The following CAMK2B variants were observed in gnomAD, a reference collection of about 807,000 sequenced individuals.
The protein encoded by CAMK2B is calcium/calmodulin-dependent protein kinase type II subunit beta.
Under a neutral mutation model 93.7 loss-of-function variants are expected in CAMK2B, and 27 were observed. The ratio of observed to expected loss-of-function variants is 0.29; its 90% CI spans 0.21 to 0.40. CAMK2B has a LOEUF of 0.40. CAMK2B is among the 10% of genes least tolerant of loss of function. CAMK2B has a pLI of 1.00. For missense variants in CAMK2B, 568 were observed against 895.8 expected (o/e 0.63, Z 4.67); for synonymous variants, 374 against 358.8 (o/e 1.04, Z -0.48).
chr7:44,291,658 C>G (rs1376652842), intron 1 of CAMK2B, among the ~76,000 whole-genome samples: 1 of 152,238 alleles, frequency 6.6e-6, no homozygotes, highest in East Asian at 1.9e-4. Context: ...ATCATATACT[C>G]ACTTATAGGA....
chr7:44,309,342 G>A (rs1250820523), intron 1 of CAMK2B, among the ~76,000 whole-genome samples: 5 of 152,192 alleles, frequency 3.3e-5, no homozygotes, highest in East Asian at 1.9e-4. Context: ...GGACACAGAC[G>A]GAGGGTTTAA....
chr7:44,278,403 T>G (rs2097070225), intron 2 of CAMK2B, among the ~76,000 whole-genome samples: 1 of 152,150 alleles, frequency 6.6e-6, no homozygotes, highest in Admixed American at 6.5e-5. Flanking sequence ...GTCAGACAGC[T>G]GGGCAGTCAG....
rs1393489232 is a variant in CAMK2B, at chr7:44,220,899, G to A, written c.1600C>T (p.Arg534Trp). ...TIPGPLPTPSRKQEIIKTTEQ... is the reference protein window; with the variant it reads ...TIPGPLPTPSWKQEIIKTTEQ... The stretch of plus-strand genomic sequence containing the variant: ...GTGGTCTTAATGATCTCCTGCTTCC[G>A]GGCTGTGGGGAGACATGGCCAGGTG... Residue 534 changes from arginine (R) to tryptophan (W), a missense_variant and splice_region_variant, in exon 21 of 24, where the codon CGG becomes TGG. Arg to Trp is a moderately radical substitution (Grantham distance 101, BLOSUM62 -3). This residue lies in a region of CAMK2B where 308 missense variants were observed against 292.1 expected (regional missense o/e 1.05). Transcript: ENST00000395749. 4.5e-6 allele frequency: 7 copies of A among 1,563,236 alleles called. No homozygotes were observed. Among genetic ancestry groups the A allele is most frequent in the East Asian group, 2.4e-5 (1 of 42,286 alleles).
At chr7:44,232,712 A>C in intron 16 of CAMK2B, 110 bp downstream of exon 16, 1 of 914,894 alleles carries the variant, frequency 1.1e-6, no homozygotes, top group South Asian at 1.4e-5. Flanking sequence ...AGGGGCGGCC[A>C]GGGCATGGGA....
chr7:44,225,993 C>A lies in CAMK2B; in HGVS notation c.1597+523G>T. ...TGCCCAGCCTGTGCTTCCTGTCCCGCCCGCTCTGTTTCAGCCTGGCCCCAG... is the reference window on the plus strand; with the variant it reads ...TGCCCAGCCTGTGCTTCCTGTCCCGACCGCTCTGTTTCAGCCTGGCCCCAG... On this transcript the variant is annotated intron_variant, in intron 20 of 23. Transcript: ENST00000395749. This position sits in a 1 kb window ranked among gnomAD's most constrained non-coding sequence, Gnocchi z 5.0. 8.8e-7 allele frequency: 1 copy of A among 1,132,972 alleles called. No individual in the cohort carries two copies. The highest frequency in any genetic ancestry group is 1.2e-6 in the Non-Finnish European group (1 of 869,034). 70.2% of individuals were successfully genotyped at this position (1,132,972 alleles called of 1,614,324 possible).
intron 8 of CAMK2B, among the ~76,000 whole-genome samples, chr7:44,243,020 G>A (rs914792175): frequency 1.3e-5 from 2 of 152,218 alleles, no homozygotes; most frequent in African/African-American, 4.8e-5. Context: ...TCTGCTGAGC[G>A]CAGGCGAGCA....
At chr7:44,243,888 C>T (rs1049592000) in intron 6 of CAMK2B, among the ~76,000 whole-genome samples, 3 of 152,212 alleles carry the variant, frequency 2.0e-5, no homozygotes, top group Admixed American at 2.0e-4. Flanking sequence ...AAATGTTCCC[C>T]ACAGCCCTGG....
At chr7:44,219,649 G>T in intron 23 of CAMK2B, 127 bp from the exon 24 acceptor site, 1 of 208,646 alleles carries the variant, frequency 4.8e-6, no homozygotes, top group Non-Finnish European at 9.5e-6. Context: ...CGGGAGAGAG[G>T]TTCAAGGTGC....
chr7:44,219,986 G>T, intron 23 of CAMK2B, 74 bp downstream of exon 23: 2 of 1,283,588 alleles, frequency 1.6e-6, no homozygotes, highest in Non-Finnish European at 2.1e-6. Flanking sequence ...GCTCCCCATC[G>T]CCTCCCCAGG....
intron 1 of CAMK2B, among the ~76,000 whole-genome samples, chr7:44,322,962 T>C (rs1284106388): frequency 6.6e-6 from 1 of 152,134 alleles, no homozygotes; most frequent in African/African-American, 2.4e-5. Context: ...GCAGGCACTG[T>C]CAACAACCAG....
intron 2 of CAMK2B, among the ~76,000 whole-genome samples, chr7:44,267,519 C>A (rs1584406748): frequency 6.6e-6 from 1 of 152,170 alleles, no homozygotes; most frequent in Non-Finnish European, 1.5e-5. Context: ...AATCTGCACC[C>A]TAAACGGAGG....
At chr7:44,277,932 A>G (rs1473933684) in intron 2 of CAMK2B, among the ~76,000 whole-genome samples, 1 of 152,178 alleles carries the variant, frequency 6.6e-6, no homozygotes, top group African/African-American at 2.4e-5. Context: ...TGGGAAGGAG[A>G]GAGCCAGACA....
chr7:44,234,643 A>C lies in CAMK2B; in HGVS notation c.1055T>G (p.Val352Gly), dbSNP rs1315953612. The C allele has an allele frequency of 9.9e-6, 16 of 1,613,766 alleles. No homozygotes were observed. The highest frequency in any genetic ancestry group is 1.4e-5 in the Non-Finnish European group (16 of 1,179,836). Reference sequence around the variant, plus strand: ...AGGGCCCGGCTGGAGCCTCACCTTGACTCCATCTGCTTTCTTGTTGAGTAA... The same window carrying C: ...AGGGCCCGGCTGGAGCCTCACCTTGCCTCCATCTGCTTTCTTGTTGAGTAA... ...KSLLNKKADGVKPQTNSTKNS... is the reference protein window; with the variant it reads ...KSLLNKKADGGKPQTNSTKNS... The change falls in exon 14 of 24, where the codon GTC becomes GGC. Residue 352 changes from valine (V) to glycine (G), a missense_variant. Around this residue, in one of 4 missense-constraint regions of CAMK2B, gnomAD observed 308 missense variants for 292.1 expected, o/e 1.05. Coordinates refer to ENST00000395749, the MANE Select transcript of CAMK2B (RefSeq NM_001220.5).
intron 5 of CAMK2B, among the ~76,000 whole-genome samples, chr7:44,247,758 T>C (rs1460826084): frequency 6.6e-6 from 1 of 152,170 alleles, no homozygotes; most frequent in Non-Finnish European, 1.5e-5. Context: ...CTGGGCGCGG[T>C]GGTTCATACC....
chr7:44,298,153 C>G (rs773743535), intron 1 of CAMK2B, among the ~76,000 whole-genome samples: 1 of 151,990 alleles, frequency 6.6e-6, no homozygotes, highest in Non-Finnish European at 1.5e-5. Context: ...AAACCCAATA[C>G]AAAACAATAA....
At chr7:44,272,056 C>T (rs138949228) in intron 2 of CAMK2B, among the ~76,000 whole-genome samples, 16 of 152,248 alleles carry the variant, frequency 1.1e-4, no homozygotes, top group African/African-American at 3.6e-4. Context: ...CAGGAGGCCC[C>T]ACTTGGAGCC....
chr7:44,245,082 T>G, intron 6 of CAMK2B: 1 of 409,162 alleles, frequency 2.4e-6, no homozygotes, highest in Non-Finnish European at 5.0e-6. Context: ...CAGAGCAGAC[T>G]TGCTGCATGT....
chr7:44,281,766 C>A (rs552391414), intron 2 of CAMK2B, among the ~76,000 whole-genome samples: 2 of 152,186 alleles, frequency 1.3e-5, no homozygotes, highest in African/African-American at 4.8e-5. Flanking sequence ...GAGGCCACTC[C>A]CTCCTCCTCC....
intron 4 of CAMK2B, 56 bp from the exon 5 acceptor site, chr7:44,254,663 T>C: frequency 8.4e-7 from 1 of 1,192,890 alleles, no homozygotes; most frequent in Admixed American, 1.7e-5. Flanking sequence ...CACACTGCAC[T>C]GTCACCTCCA....
Sources: allele counts gnomAD v4.1 joint callset (sites outside exome capture counted in the v4.1 genomes callset), GRCh38; gene constraint gnomAD v4.1.1; regional missense constraint gnomAD v4.1.1; non-coding constraint Gnocchi (gnomAD v3.1); transcripts MANE v1.5; gene names NCBI Gene and HGNC (gene_info 2026-07-23, HGNC 2026-07-21).